Variants in CPA6 observed in about 807,000 individuals in gnomAD.
CPA6 encodes the protein carboxypeptidase B.
CPA6 carries 58 observed loss-of-function variants against 63.3 expected under a neutral mutation model. That is an observed-to-expected ratio of 0.92 (90% CI 0.74 to 1.14). CPA6 has a LOEUF of 1.14. CPA6 is among the 50% of genes most tolerant of loss of function. The pLI is 0.00. For synonymous variants in CPA6, 185 were observed against 179.0 expected (o/e 1.03, Z -0.27); for missense variants, 565 against 526.6 (o/e 1.07, Z -0.71).
chr8:67,592,012 T>C (rs1052705399), intron 2 of CPA6, among the ~76,000 whole-genome samples: 9 of 152,332 alleles, frequency 5.9e-5, no homozygotes, highest in African/African-American at 1.9e-4. Context: ...AGTATGATAT[T>C]GGCTGTGGGT....
At chr8:67,596,517 G>A (rs936817134) in intron 2 of CPA6, among the ~76,000 whole-genome samples, 1 of 150,250 alleles carries the variant, frequency 6.7e-6, no homozygotes, top group African/African-American at 2.5e-5. Context: ...CTGTATTTGG[G>A]TATGAATTTA....
chr8:67,443,076 T>C (rs1810331101), intron 8 of CPA6, among the ~76,000 whole-genome samples: 1 of 151,990 alleles, frequency 6.6e-6, no homozygotes, highest in African/African-American at 2.4e-5. Context: ...TCTTTTTTTT[T>C]TTTTGAGACA....
chr8:67,728,342 T>C (rs1026760277), intron 1 of CPA6, among the ~76,000 whole-genome samples: 2 of 152,210 alleles, frequency 1.3e-5, no homozygotes, highest in African/African-American at 4.8e-5. Context: ...TGCACATTAA[T>C]ACACTTGTAT....
At chr8:67,585,748 G>A (rs1813915350) in intron 2 of CPA6, among the ~76,000 whole-genome samples, 1 of 152,124 alleles carries the variant, frequency 6.6e-6, no homozygotes, top group African/African-American at 2.4e-5. Flanking sequence ...AGCATACACA[G>A]GGAGTAAAGG....
At chr8:67,540,866 A>C (rs1812689643) in intron 2 of CPA6, among the ~76,000 whole-genome samples, 1 of 152,226 alleles carries the variant, frequency 6.6e-6, no homozygotes, top group Non-Finnish European at 1.5e-5. Context: ...ACCAAGCTCC[A>C]GTGTCCCAGG....
At chr8:67,454,390 G>A (rs1810624567) in intron 8 of CPA6, among the ~76,000 whole-genome samples, 1 of 152,142 alleles carries the variant, frequency 6.6e-6, no homozygotes, top group South Asian at 2.1e-4. Flanking sequence ...CCTTAGTTAT[G>A]TAGATTCTGA....
intron 1 of CPA6, among the ~76,000 whole-genome samples, chr8:67,645,016 C>G (rs1205097228): frequency 6.6e-6 from 1 of 152,152 alleles, no homozygotes; most frequent in Non-Finnish European, 1.5e-5. Flanking sequence ...ACCCCTAATA[C>G]TTTTCAGAAT....
intron 2 of CPA6, among the ~76,000 whole-genome samples, chr8:67,621,441 C>A (rs946056678): frequency 3.3e-5 from 5 of 152,174 alleles, no homozygotes; most frequent in Non-Finnish European, 7.3e-5. Context: ...TGGCTTCAAT[C>A]CTCTCCATTG....
intron 6 of CPA6, among the ~76,000 whole-genome samples, chr8:67,501,661 C>CTT (rs1021268093): frequency 1.3e-5 from 2 of 152,098 alleles, no homozygotes; most frequent in African/African-American, 4.8e-5. Flanking sequence ...TCCATTAATA[C>CTT]TTTATTCAGG....
At chr8:67,561,897 G>C (rs1813221938) in intron 2 of CPA6, among the ~76,000 whole-genome samples, 1 of 152,120 alleles carries the variant, frequency 6.6e-6, no homozygotes, top group African/African-American at 2.4e-5. Flanking sequence ...CTATTAAAAG[G>C]TATGCTTTCC....
intron 1 of CPA6, among the ~76,000 whole-genome samples, chr8:67,737,121 T>C (rs777334089): frequency 1.3e-5 from 2 of 152,218 alleles, no homozygotes; most frequent in Non-Finnish European, 2.9e-5. Flanking sequence ...AAGTTGTTCA[T>C]GAGCATGCTG....
chr8:67,511,675 C>T lies in CPA6; in HGVS notation c.318-20G>A, dbSNP rs994260236. 1 of 1,417,188 alleles carries T rather than the reference C, an allele frequency of 7.1e-7. No homozygotes were observed. The highest frequency in any genetic ancestry group is 1.0e-6 in the Non-Finnish European group (1 of 1,001,890). 87.8% of individuals were successfully genotyped at this position (1,417,188 alleles called of 1,614,324 possible). On this transcript the variant is annotated intron_variant, in intron 3 of 10. Transcript: ENST00000297770. ...AGGACCCTGAATTTGGAATGACAGA[C>T]ATGATGAAAAGTAAATTGAGATATT...
intron 1 of CPA6, among the ~76,000 whole-genome samples, chr8:67,687,519 T>C (rs1436139246): frequency 6.6e-6 from 1 of 152,092 alleles, no homozygotes; most frequent in African/African-American, 2.4e-5. Context: ...TGGGACCTTT[T>C]GCAAATCATT....
chr8:67,554,690 C>T (rs1421827164), intron 2 of CPA6, among the ~76,000 whole-genome samples: 1 of 152,172 alleles, frequency 6.6e-6, no homozygotes, highest in Admixed American at 6.5e-5. Flanking sequence ...GAGCTCAAGG[C>T]CTGAGAGCCT....
rs1387066792 is a variant in CPA6, at chr8:67,707,568, GT to G, written c.116+38445del. Among the ~76,000 whole-genome samples the G allele has an allele frequency of 4.6e-5, 7 of 152,268 alleles. No homozygotes were observed. In the East Asian group the frequency reaches 1.4e-3, roughly 29 times the overall value. ...CAGTAGGACACAATTAGAGAAACTG[GT>G]TATTTTACCAAGGCTTTGACTAGAA... On this transcript the variant is annotated intron_variant, in intron 1 of 10. Transcript: ENST00000297770.
At chr8:67,605,818 A>G (rs1450104896) in intron 2 of CPA6, among the ~76,000 whole-genome samples, 1 of 152,064 alleles carries the variant, frequency 6.6e-6, no homozygotes, top group Non-Finnish European at 1.5e-5. Context: ...CCATGTGGTG[A>G]TTTGAAGACC....
At chr8:67,542,509 G>A (rs1478886710) in intron 2 of CPA6, among the ~76,000 whole-genome samples, 4 of 152,184 alleles carry the variant, frequency 2.6e-5, no homozygotes, top group African/African-American at 7.2e-5. Flanking sequence ...CTAATTTGTC[G>A]TGAGTCAAAT....
At chr8:67,469,467 G>A (rs910191708) in intron 8 of CPA6, among the ~76,000 whole-genome samples, 22 of 152,102 alleles carry the variant, frequency 1.4e-4, no homozygotes, top group African/African-American at 2.2e-4. Context: ...TTAGCTGGAC[G>A]TGGTGGTGCA....
chr8:67,457,202 T>C (rs1467828092), intron 8 of CPA6, among the ~76,000 whole-genome samples: 1 of 152,238 alleles, frequency 6.6e-6, no homozygotes, highest in Non-Finnish European at 1.5e-5. Flanking sequence ...TAGCACAGCG[T>C]AACATTTTTA....
Sources: gnomAD v4.1 joint callset for allele counts (sites outside exome capture counted in the v4.1 genomes callset) on GRCh38, gnomAD v4.1.1 for gene constraint, MANE v1.5 for transcripts, NCBI Gene and HGNC (gene_info 2026-07-23, HGNC 2026-07-21) for gene names.